NTN1: variants seen among roughly 807,000 people sequenced by gnomAD.
NTN1 encodes netrin-1.
NTN1 carries 11 observed loss-of-function variants against 54.2 expected under a neutral mutation model. The observed-to-expected ratio is 0.20, with a 90% CI of 0.13 to 0.34. NTN1 has a LOEUF of 0.34. NTN1 is among the 10% of genes least tolerant of loss of function. The probability of loss-of-function intolerance (pLI) is 1.00; values close to 1 mark genes in which losing one functional copy is unlikely to be tolerated. For missense variants in NTN1, 740 were observed against 893.1 expected, an observed-to-expected ratio of 0.83 and a Z score of 2.18; for synonymous variants, 371 against 382.0, an observed-to-expected ratio of 0.97 and a Z score of 0.33.
In NTN1 at chr17:9,022,932, C is replaced by T. The variant is rs1567692024; in HGVS notation, c.559C>T (p.Arg187Trp). The change falls in exon 2 of 7, where the codon CGG becomes TGG. Residue 187 changes from arginine to tryptophan, a missense_variant. Transcript: ENST00000173229. ...YSTQCRKMYN[R>W]PHRAPITKQN... ...CACGCAGTGCCGCAAGATGTACAAC[C>T]GGCCGCACCGCGCGCCCATCACCAA... 1 of 1,611,896 alleles carries T rather than the reference C, an allele frequency of 6.2e-7. No homozygotes were observed. The highest frequency in any genetic ancestry group is 8.5e-7 in the Non-Finnish European group (1 of 1,179,782).
intron 2 of NTN1, among the ~76,000 whole-genome samples, chr17:9,114,645 T>C (rs957760342): frequency 2.0e-5 from 3 of 151,844 alleles, no homozygotes; most frequent in Non-Finnish European, 2.9e-5. Context: ...CCCAGCTACT[T>C]GGGAGGCTAA....
upstream of NTN1, among the ~76,000 whole-genome samples, chr17:9,020,673 T>G (rs1243506335): frequency 6.6e-6 from 1 of 152,172 alleles, no homozygotes; most frequent in East Asian, 1.9e-4. Context: ...CTTTGCACCC[T>G]TAAAAATGCG....
intron 2 of NTN1, among the ~76,000 whole-genome samples, chr17:9,082,088 CT>C (rs2092073037): frequency 1.3e-5 from 2 of 152,256 alleles, no homozygotes; most frequent in Middle Eastern, 3.4e-3. Flanking sequence ...GAGACTGAGT[CT>C]TGCTCTGTCC....
intron 3 of NTN1, among the ~76,000 whole-genome samples, chr17:9,169,898 G>C (rs1264769870): frequency 6.6e-6 from 1 of 152,174 alleles, no homozygotes; most frequent in African/African-American, 2.4e-5. Context: ...ATTCCTGGAG[G>C]ATCTCCAGGG....
chr17:9,067,310 TA>T (rs1487104119), intron 2 of NTN1, among the ~76,000 whole-genome samples: 1 of 151,574 alleles, frequency 6.6e-6, no homozygotes, highest in Non-Finnish European at 1.5e-5. Context: ...GTGGACATGA[TA>T]ATGTCTCCTA....
At chr17:9,164,711 C>T (rs2092368999) in intron 3 of NTN1, among the ~76,000 whole-genome samples, 1 of 152,112 alleles carries the variant, frequency 6.6e-6, no homozygotes, top group Non-Finnish European at 1.5e-5. Context: ...GCAAGGTGTC[C>T]TTCTGTGTCT....
intron 5 of NTN1, among the ~76,000 whole-genome samples, chr17:9,199,364 A>AATGT (rs1904722532): frequency 1.3e-5 from 2 of 152,188 alleles, no homozygotes; most frequent in Non-Finnish European, 2.9e-5. Context: ...CTGGTCTTGA[A>AATGT]GTCCTGACCT....
intron 5 of NTN1, among the ~76,000 whole-genome samples, chr17:9,218,090 G>A (rs1230383567): frequency 6.6e-6 from 1 of 152,176 alleles, no homozygotes; most frequent in Non-Finnish European, 1.5e-5. Flanking sequence ...CCCTGGCTGT[G>A]CTTTAGAACC....
Position 9,239,862 on chromosome 17 carries a change from T to C in NTN1, c.1709T>C (p.Ile570Thr). The change falls in exon 7 of 7, where the codon ATC (isoleucine) becomes ACC (threonine). Residue 570 changes from isoleucine (I) to threonine (T), a missense_variant. By Grantham distance (89) the Ile-to-Thr change is moderately conservative. Coordinates refer to ENST00000173229, the MANE Select transcript of NTN1 (RefSeq NM_004822.3). This position sits in a 1 kb window ranked among gnomAD's most constrained non-coding sequence, Gnocchi z 5.2. ...NAEDSPDQSG[I>T]VADKSSLVIQ... ...GAGGACTCTCCGGACCAGAGCGGCA[T>C]CGTGGCCGATAAAAGCAGCCTGGTG... 1.2e-6 allele frequency: 2 copies of C among 1,612,310 alleles called. No individual in the cohort carries two copies. Among genetic ancestry groups the C allele is most frequent in the Non-Finnish European group, 1.7e-6 (2 of 1,179,678 alleles).
intron 5 of NTN1, among the ~76,000 whole-genome samples, chr17:9,185,992 G>A (rs1333645844): frequency 6.6e-6 from 1 of 151,640 alleles, no homozygotes; most frequent in Non-Finnish European, 1.5e-5. Context: ...CTGGCTGGCT[G>A]TGGCAGGAGT....
rs1905367458 is a variant in NTN1, at chr17:9,221,824, C to T, written c.1486+582C>T. Among the ~76,000 whole-genome samples the T allele has an allele frequency of 1.3e-5, 2 of 152,124 alleles. No homozygotes were observed. The highest frequency in any genetic ancestry group is 4.1e-4 in the South Asian group (2 of 4,828). ...GCTTGTCACCTGTGACCTCAGGCTC[C>T]CTTCCCGGGAAGGGTGTGTCCTGTC... On this transcript the variant is annotated intron_variant, in intron 6 of 6. Coordinates refer to ENST00000173229, the MANE Select transcript of NTN1 (RefSeq NM_004822.3). This position sits in a 1 kb window ranked among gnomAD's most constrained non-coding sequence, Gnocchi z 4.5.
chr17:9,218,193 C>T (rs1905254224), intron 5 of NTN1, among the ~76,000 whole-genome samples: 1 of 152,176 alleles, frequency 6.6e-6, no homozygotes, highest in Non-Finnish European at 1.5e-5. Context: ...CATCGTGATG[C>T]CACTGCATAG....
chr17:9,092,851 C>T (rs1252201205), intron 2 of NTN1, among the ~76,000 whole-genome samples: 1 of 152,150 alleles, frequency 6.6e-6, no homozygotes, highest in Non-Finnish European at 1.5e-5. Context: ...CTCCGCCTCC[C>T]AGGTTCACGC....
At chr17:9,025,286 G>A (rs1184431330) in intron 2 of NTN1, among the ~76,000 whole-genome samples, 2 of 152,208 alleles carry the variant, frequency 1.3e-5, no homozygotes, top group African/African-American at 2.4e-5. Context: ...TCATGCACTT[G>A]AAATAATCTC....
At chr17:9,009,037 T>C in the NTN1 span, among the ~76,000 whole-genome samples, 141 of 152,230 alleles carry the variant, frequency 9.3e-4, 1 homozygote, top group South Asian at 0.021. Context: ...TAAGACTCCA[T>C]CTCAAAACAA....
intron 2 of NTN1, among the ~76,000 whole-genome samples, chr17:9,035,847 C>T (rs548240810): frequency 1.5e-4 from 23 of 152,238 alleles, no homozygotes; most frequent in African/African-American, 5.3e-4. Context: ...CATATTGAAA[C>T]CCCATCTCTA....
the NTN1 span, among the ~76,000 whole-genome samples, chr17:9,005,516 G>A: frequency 2.6e-5 from 4 of 152,086 alleles, no homozygotes; most frequent in South Asian, 6.2e-4. Flanking sequence ...GGCCCAGAAG[G>A]CTGCATTTTA....
rs1240889270 is a variant in NTN1 at position 9,169,927 on chromosome 17, A to T, written c.1207+6926A>T. ...TCCAGGGGTTCCTGTGCTTGAGCAGAAAAGACTCCTGATCATTGAGCTCCC... is the reference window on the plus strand; with the variant it reads ...TCCAGGGGTTCCTGTGCTTGAGCAGTAAAGACTCCTGATCATTGAGCTCCC... On this transcript the variant is annotated intron_variant, in intron 3 of 6. Transcript: ENST00000173229. Among the ~76,000 whole-genome samples the T allele has an allele frequency of 5.3e-5, 8 of 152,356 alleles. No homozygotes were observed. The East Asian group carries it at 5.8e-4, about 11-fold the overall frequency.
chr17:9,126,732 G>GA (rs1164193213), intron 2 of NTN1, among the ~76,000 whole-genome samples: 1 of 152,142 alleles, frequency 6.6e-6, no homozygotes, highest in African/African-American at 2.4e-5. Flanking sequence ...GAACAGGTGG[G>GA]AATCAGCGGA....
Sources: gnomAD v4.1 joint callset for allele counts (sites outside exome capture counted in the v4.1 genomes callset) on GRCh38, gnomAD v4.1.1 for gene constraint, Gnocchi (gnomAD v3.1) non-coding constraint, MANE v1.5 for transcripts, NCBI Gene and HGNC (gene_info 2026-07-23, HGNC 2026-07-21) for gene names.